Variants in MPHOSPH9 observed in about 807,000 individuals in gnomAD.
MPHOSPH9 encodes M-phase phosphoprotein 9.
MPHOSPH9 carries 88 observed loss-of-function variants against 145.5 expected under a neutral mutation model. That is an observed-to-expected ratio of 0.60 (90% CI 0.51 to 0.72). MPHOSPH9 has a LOEUF of 0.72. Among genes scored for constraint, MPHOSPH9 ranks in the 30% least tolerant of loss-of-function variants. The probability of loss-of-function intolerance (pLI) is 0.00; values close to 1 mark genes in which losing one functional copy is unlikely to be tolerated. For synonymous variants in MPHOSPH9, 435 were observed against 486.2 expected, an observed-to-expected ratio of 0.89 and a Z score of 1.39; for missense variants, 1,238 against 1,386.6, an observed-to-expected ratio of 0.89 and a Z score of 1.70.
chr12:123,193,747 A>T (rs938651911), intron 13 of MPHOSPH9, among the ~76,000 whole-genome samples: 1 of 152,214 alleles, frequency 6.6e-6, no homozygotes, highest in Non-Finnish European at 1.5e-5. Flanking sequence ...ACTTGCTCTA[A>T]ATCTGTTCAT....
At chr12:123,227,089 T>C (rs753049184) in intron 3 of MPHOSPH9, among the ~76,000 whole-genome samples, 2 of 152,208 alleles carry the variant, frequency 1.3e-5, no homozygotes, top group Non-Finnish European at 2.9e-5. Flanking sequence ...AATTAGAACA[T>C]TGAAAATATT....
intron 16 of MPHOSPH9, among the ~76,000 whole-genome samples, chr12:123,170,966 T>C (rs567273385): frequency 2.0e-5 from 3 of 152,374 alleles, no homozygotes; most frequent in South Asian, 4.1e-4. Context: ...TTGTATCTTA[T>C]TGTTTTAATG....
At chr12:123,188,556 A>G (rs2045548356) in intron 13 of MPHOSPH9, among the ~76,000 whole-genome samples, 1 of 152,176 alleles carries the variant, frequency 6.6e-6, no homozygotes, top group Non-Finnish European at 1.5e-5. Context: ...TGTTTAAAAA[A>G]TAGAATAGAG....
In MPHOSPH9 at chr12:123,159,471, T is replaced by TTTTTTTTG. The variant is rs2044015904; in HGVS notation, c.3450+1309_3450+1310insCAAAAAAA. On this transcript the variant is annotated intron_variant, in intron 23 of 23. Transcript: ENST00000606320. The surrounding 1 kb of genome is among the most constrained non-coding windows in gnomAD (Gnocchi z 4.3). ...AGCCATTGCGCCTGGCCATGGCAGGTTTTTTTTTGTTTTTTTTGTTGTTGT... is the reference window on the plus strand; with the variant it reads ...AGCCATTGCGCCTGGCCATGGCAGGTTTTTTTTGTTTTTTTTGTTTTTTTTGTTGTTGT... Among the ~76,000 whole-genome samples, 2 of 151,414 alleles carry TTTTTTTTG rather than the reference T, an allele frequency of 1.3e-5. No homozygotes were observed. Among genetic ancestry groups the TTTTTTTTG allele is most frequent in the Admixed American group, 1.3e-4 (2 of 15,184 alleles).
intron 8 of MPHOSPH9, among the ~76,000 whole-genome samples, chr12:123,206,674 G>A (rs2046450778): frequency 6.6e-6 from 1 of 151,884 alleles, no homozygotes; most frequent in Non-Finnish European, 1.5e-5. Flanking sequence ...AGCACTTTGG[G>A]AGGCTGAGGC....
chr12:123,160,462 C>T, intron 23 of MPHOSPH9: 1 of 251,532 alleles, frequency 4.0e-6, no homozygotes, highest in Non-Finnish European at 7.5e-6. Flanking sequence ...AAAAGAGAGG[C>T]AATCTGTGAG....
Position 123,215,916 on chromosome 12 carries a change from C to G in MPHOSPH9, c.997-1082G>C, listed in dbSNP as rs982832326. Among the ~76,000 whole-genome samples the G allele has an allele frequency of 2.0e-4, 30 of 152,248 alleles. 1 individual carries two copies. In the East Asian group the frequency reaches 5.8e-3, roughly 29 times the overall value. ...TTCTTTCTCATCAAGGAAGAAATTC[C>G]ACCTGTTTCAATTTGTCTCACTACT... On this transcript the variant is annotated intron_variant, in intron 6 of 23. Coordinates refer to ENST00000606320, the MANE Select transcript of MPHOSPH9 (RefSeq NM_022782.4).
At position 123,154,615 on chromosome 12, in the gene MPHOSPH9, C is replaced by T. The variant is rs914841575; in HGVS notation, c.*2192G>A. 1 of 152,096 alleles carries T rather than the reference C, an allele frequency of 6.6e-6. No individual in the cohort carries two copies. The highest frequency in any genetic ancestry group is 2.1e-4 in the South Asian group (1 of 4,824). The allele number at this position is 152,096 out of a possible 1,614,324, so 9.4% of individuals were successfully genotyped here. ...AAGATAATTCCTTGGCAAGATAAAA[C>T]TATCATCTCTTCTGAAATGGCATTT... On this transcript the variant is annotated 3_prime_UTR_variant, in exon 24 of 24. Coordinates refer to ENST00000606320, the MANE Select transcript of MPHOSPH9 (RefSeq NM_022782.4).
Position 123,166,765 on chromosome 12 carries a change from G to C in MPHOSPH9, c.2481C>G (p.Ser827Arg). ...CACCTGGAATCAGCCATTTCCGCCT[G>C]CTGACGTCTGAAGTTGCTAGTGTGC... ...RANTLATSDV[S>R]RRKWLIPGAE... Residue 827 changes from serine (S) to arginine (R), a missense_variant, in exon 17 of 24, where the codon AGC becomes AGG. By Grantham distance (110) the Ser-to-Arg change is moderately radical. Transcript: ENST00000606320. 1 of 1,613,738 alleles carries C rather than the reference G, an allele frequency of 6.2e-7. No homozygotes were observed. Among genetic ancestry groups the C allele is most frequent in the Middle Eastern group, 1.7e-4 (1 of 6,058 alleles).
At chr12:123,224,110 T>TTATATATATATATATATATATA (rs147637276) in intron 3 of MPHOSPH9, among the ~76,000 whole-genome samples, 24 of 120,394 alleles carry the variant, frequency 2.0e-4, no homozygotes, top group Middle Eastern at 4.4e-3. Context: ...AATTGCTAAT[T>TTATATATATATATATATATATA]TATATATATA....
At chr12:123,213,440 A>G (rs2046830966) in intron 7 of MPHOSPH9, among the ~76,000 whole-genome samples, 1 of 152,050 alleles carries the variant, frequency 6.6e-6, no homozygotes, top group Admixed American at 6.6e-5. Context: ...CCCAGACTCA[A>G]GCAATCTTCC....
intron 16 of MPHOSPH9, among the ~76,000 whole-genome samples, chr12:123,174,278 G>A (rs2044725607): frequency 6.6e-6 from 1 of 152,068 alleles, no homozygotes; most frequent in Non-Finnish European, 1.5e-5. Flanking sequence ...TCCAACACCA[G>A]TGTCAGAGTT....
In MPHOSPH9 at chr12:123,232,686, G is replaced by A. The variant is rs28362668; in HGVS notation, c.-159+389C>T. 1.0e-3 allele frequency among the ~76,000 whole-genome samples: 156 copies of A among 152,194 alleles called. 3 individuals carry two copies. In the East Asian group the frequency reaches 0.03, roughly 29 times the overall value. ...GGGAAGGAGAGGGAGAATCTATGCA[G>A]TCGCCTAAGCTACGGAAAGCAGGGA... On this transcript the variant is annotated intron_variant, in intron 1 of 23. Transcript: ENST00000606320.
intron 15 of MPHOSPH9, among the ~76,000 whole-genome samples, chr12:123,177,757 T>C (rs950360780): frequency 1.3e-5 from 2 of 151,908 alleles, no homozygotes; most frequent in African/African-American, 4.8e-5. Flanking sequence ...ATGTGTTTAA[T>C]CCTAATATGT....
intron 1 of MPHOSPH9, among the ~76,000 whole-genome samples, chr12:123,242,437 CTT>C (rs1223926201): frequency 6.6e-6 from 1 of 152,150 alleles, no homozygotes; most frequent in Non-Finnish European, 1.5e-5. Context: ...TCCCTAAAGA[CTT>C]TGGATTACTC....
At chr12:123,186,752 G>C (rs979025152) in intron 13 of MPHOSPH9, among the ~76,000 whole-genome samples, 1 of 152,180 alleles carries the variant, frequency 6.6e-6, no homozygotes, top group African/African-American at 2.4e-5. Context: ...CTTGAGGTCA[G>C]GATTTCGAGG....
intron 16 of MPHOSPH9, among the ~76,000 whole-genome samples, chr12:123,169,738 T>C (rs189918302): frequency 9.9e-4 from 150 of 151,010 alleles, no homozygotes; most frequent in African/African-American, 3.3e-3. Context: ...GTTGCTGGGA[T>C]TACAGGGGCC....
At chr12:123,157,926 A>G (rs1316157453) in intron 23 of MPHOSPH9, among the ~76,000 whole-genome samples, 1 of 152,202 alleles carries the variant, frequency 6.6e-6, no homozygotes, top group East Asian at 1.9e-4. Flanking sequence ...AAAAGAAAAA[A>G]AAACTGTTCC....
intron 16 of MPHOSPH9, among the ~76,000 whole-genome samples, chr12:123,171,327 G>A (rs1262443125): frequency 2.0e-5 from 3 of 151,796 alleles, no homozygotes; most frequent in Non-Finnish European, 2.9e-5. Context: ...GGTGGCACGT[G>A]CCTGTAGTAC....
Sources: gnomAD v4.1 joint callset for allele counts (sites outside exome capture counted in the v4.1 genomes callset) on GRCh38, gnomAD v4.1.1 for gene constraint, Gnocchi (gnomAD v3.1) non-coding constraint, MANE v1.5 for transcripts, NCBI Gene and HGNC (gene_info 2026-07-23, HGNC 2026-07-21) for gene names.